Variants in MFN1 observed in about 807,000 individuals in gnomAD.
The protein encoded by MFN1 is mitofusin-1.
MFN1 carries 65 observed loss-of-function variants against 92.4 expected under a neutral mutation model. That is an observed-to-expected ratio of 0.70 (90% confidence interval 0.58 to 0.86). The LOEUF (loss-of-function observed/expected upper bound fraction) is 0.86, where lower values mean the gene tolerates loss of function less well. MFN1 is among the 40% of genes least tolerant of loss of function. MFN1 has a pLI of 0.00. For synonymous variants in MFN1, 297 were observed against 300.9 expected, an observed-to-expected ratio of 0.99 and a Z score of 0.13; for missense variants, 781 against 868.0, an observed-to-expected ratio of 0.90 and a Z score of 1.26.
rs747948709 is a variant in MFN1 at position 179,385,762 on chromosome 3, T to G, written c.1815+41T>G. On this transcript the variant is annotated intron_variant, in intron 15 of 17. Coordinates refer to ENST00000471841, the MANE Select transcript of MFN1 (RefSeq NM_033540.3). ...TTTAGTATAATTAAAATCGAAATGT[T>G]TGCAAGGCTGCCTGTTAGCTCACAA... The G allele has an allele frequency of 4.4e-6, 7 of 1,582,550 alleles. No homozygotes were observed. In the Admixed American group the frequency reaches 1.2e-4, roughly 27 times the overall value.
chr3:179,389,937 G>C, intron 16 of MFN1, 67 bp from the exon 17 acceptor site: 1 of 1,399,768 alleles, frequency 7.1e-7, no homozygotes, highest in South Asian at 1.3e-5. Flanking sequence ...CTTTTTATGT[G>C]AGCTTTAAAT....
chr3:179,383,586 A>C (rs1438312883), intron 14 of MFN1, among the ~76,000 whole-genome samples: 2 of 152,148 alleles, frequency 1.3e-5, no homozygotes, highest in Non-Finnish European at 2.9e-5. Context: ...ACTTTAAAGT[A>C]GTTTTTTTCC....
chr3:179,374,578 G>A (rs529428191), intron 9 of MFN1, among the ~76,000 whole-genome samples: 4 of 151,832 alleles, frequency 2.6e-5, no homozygotes, highest in Admixed American at 6.6e-5. Flanking sequence ...AGATAAATGA[G>A]ATAGGGCATG....
rs1266418871 is a variant in MFN1 at position 179,375,303 on chromosome 3, CATA to C, written c.1062_1064del (p.Ile354del). 6.2e-7 allele frequency: 1 copy of C among 1,613,586 alleles called. No individual in the cohort carries two copies. The highest frequency in any genetic ancestry group is 2.2e-5 in the East Asian group (1 of 44,856). ...AACAGATACTAGCTACTGTGAAAAA[CATA>C]ATGGATTCAGTAAACCTGGCAGCTG... On this transcript the variant is annotated inframe_deletion, in exon 10 of 18. Coordinates refer to ENST00000471841, the MANE Select transcript of MFN1 (RefSeq NM_033540.3).
chr3:179,387,705 G>A (rs1208653833), intron 16 of MFN1, among the ~76,000 whole-genome samples: 1 of 146,038 alleles, frequency 6.8e-6, no homozygotes, highest in Admixed American at 6.9e-5. Flanking sequence ...GTGAGTAGCT[G>A]GCGTGTGCCA....
chr3:179,348,855 G>T lies in MFN1; in HGVS notation c.4G>T (p.Ala2Ser). ...TTTATCTCCCTCTAGTAGCATAATG[G>T]CAGAACCTGTTTCTCCACTGAAGCA... is the stretch of plus-strand genomic sequence containing the variant. M[A>S]EPVSPLKHFV... The change falls in exon 2 of 18, where the codon GCA becomes TCA. Residue 2 changes from alanine (A) to serine (S), a missense_variant. By Grantham distance (99) the Ala-to-Ser change is moderately conservative. Coordinates refer to ENST00000471841, the MANE Select transcript of MFN1 (RefSeq NM_033540.3). 6.2e-7 allele frequency: 1 copy of T among 1,608,970 alleles called. No individual in the cohort carries two copies. The highest frequency in any genetic ancestry group is 8.5e-7 in the Non-Finnish European group (1 of 1,176,152).
chr3:179,361,538 CTTT>C (rs1361600014), intron 4 of MFN1, among the ~76,000 whole-genome samples: 2 of 143,318 alleles, frequency 1.4e-5, no homozygotes, highest in Non-Finnish European at 1.5e-5. Context: ...TTATCTCTCA[CTTT>C]TTTTTTTTTT....
intron 4 of MFN1, 22 bp downstream of exon 4, chr3:179,359,024 A>G: frequency 1.2e-6 from 2 of 1,601,356 alleles, no homozygotes; most frequent in Non-Finnish European, 1.7e-6. Context: ...AACCTTTAGC[A>G]GAATAATATA....
intron 9 of MFN1, among the ~76,000 whole-genome samples, chr3:179,368,381 A>G (rs1412260363): frequency 6.6e-6 from 1 of 152,228 alleles, no homozygotes; most frequent in African/African-American, 2.4e-5. Flanking sequence ...GTGTTGTGCA[A>G]TGAATGAAAT....
intron 8 of MFN1, among the ~76,000 whole-genome samples, 180 bp downstream of exon 8, chr3:179,367,772 A>G (rs1712856449): frequency 6.6e-6 from 1 of 151,732 alleles, no homozygotes; most frequent in Non-Finnish European, 1.5e-5. Flanking sequence ...AAAATACAAA[A>G]ATTAGCTGGG....
intron 3 of MFN1, among the ~76,000 whole-genome samples, chr3:179,354,098 C>G (rs1427426297): frequency 6.6e-6 from 1 of 152,172 alleles, no homozygotes; most frequent in Non-Finnish European, 1.5e-5. Context: ...TGAGACAGCT[C>G]CATTTAAAAA....
intron 4 of MFN1, among the ~76,000 whole-genome samples, chr3:179,360,938 A>G (rs1712549988): frequency 1.3e-5 from 2 of 152,140 alleles, no homozygotes; most frequent in Admixed American, 1.3e-4. Context: ...AGCCTGAGCA[A>G]TATAGTGAGA....
chr3:179,378,398 G>A lies in MFN1; in HGVS notation c.1387G>A (p.Asp463Asn), dbSNP rs200358054. 28 of 1,606,768 alleles carry A rather than the reference G, an allele frequency of 1.7e-5. No homozygotes were observed. The highest frequency in any genetic ancestry group is 2.7e-5 in the African/African-American group (2 of 74,308). ...AAGAAATTTGGCTGATCGATGCACC[G>A]ATGAAGTAAACGCCTTAGTGCTTCA... ...MGRNLADRCT[D>N]EVNALVLQTQ... The change falls in exon 13 of 18, where the codon GAT becomes AAT. Residue 463 changes from aspartate to asparagine, a missense_variant. Transcript: ENST00000471841.
At chr3:179,374,077 CA>C (rs1713127177) in intron 9 of MFN1, among the ~76,000 whole-genome samples, 1 of 151,506 alleles carries the variant, frequency 6.6e-6, no homozygotes. Context: ...CTGAGACAGG[CA>C]GATGACTTGA....
At chr3:179,380,756 G>A (rs1292053535) in intron 14 of MFN1, among the ~76,000 whole-genome samples, 4 of 152,198 alleles carry the variant, frequency 2.6e-5, no homozygotes, top group Middle Eastern at 3.2e-3. Flanking sequence ...GTTTTCAGAA[G>A]GAGTTTAGAA....
At chr3:179,369,228 A>G (rs1272315857) in intron 9 of MFN1, among the ~76,000 whole-genome samples, 2 of 151,832 alleles carry the variant, frequency 1.3e-5, no homozygotes, top group African/African-American at 2.4e-5. Context: ...TTTTCTCTTA[A>G]AGAAATGGGA....
intron 7 of MFN1, among the ~76,000 whole-genome samples, chr3:179,366,899 AATGCATTCTACCCAACC>A (rs1712815183): frequency 1.3e-5 from 2 of 152,152 alleles, no homozygotes; most frequent in African/African-American, 4.8e-5. Flanking sequence ...ATGCCTGGTT[AATGCATTCTACCCAACC>A]TTAACTCCCC....
intron 7 of MFN1, 78 bp from the exon 8 acceptor site, chr3:179,367,361 G>A: frequency 1.7e-6 from 2 of 1,195,414 alleles, no homozygotes. Context: ...TGTGAATAAA[G>A]TAAGTATTGG....
In MFN1 at chr3:179,376,370, T is replaced by A. The variant is rs190128118; in HGVS notation, c.1098-672T>A. On this transcript the variant is annotated intron_variant, in intron 10 of 17. Coordinates refer to ENST00000471841, the MANE Select transcript of MFN1 (RefSeq NM_033540.3). Reference sequence around the variant, plus strand: ...GGCCTAAAAGTGATTTAATTAGTAATAATTTTTAAAGATATAGGATGTTGA... The same window carrying A: ...GGCCTAAAAGTGATTTAATTAGTAAAAATTTTTAAAGATATAGGATGTTGA... 9.2e-5 allele frequency among the ~76,000 whole-genome samples: 14 copies of A among 152,312 alleles called. No homozygotes were observed. In the Middle Eastern group the frequency reaches 0.017, roughly 186 times the overall value.
Sources: gnomAD v4.1 joint callset for allele counts (sites outside exome capture counted in the v4.1 genomes callset) on GRCh38, gnomAD v4.1.1 for gene constraint, MANE v1.5 for transcripts, NCBI Gene and HGNC (gene_info 2026-07-23, HGNC 2026-07-21) for gene names.